Variants in CDH8 observed in about 807,000 individuals in gnomAD.
The protein encoded by CDH8 is cadherin 8.
Under a neutral mutation model 68.1 loss-of-function variants are expected in CDH8, and 17 were observed. The observed-to-expected ratio is 0.25, with a 90% confidence interval of 0.17 to 0.37. CDH8 has a LOEUF of 0.37. Ranked by LOEUF, CDH8 falls within the 10% of genes least tolerant of loss-of-function variation. CDH8 has a pLI of 1.00. For missense variants in CDH8, 763 were observed against 999.3 expected, an observed-to-expected ratio of 0.76 and a Z score of 3.19; for synonymous variants, 372 against 365.1, an observed-to-expected ratio of 1.02 and a Z score of -0.21.
chr16:61,791,985 C>T (rs1961388886), intron 7 of CDH8, among the ~76,000 whole-genome samples: 1 of 151,998 alleles, frequency 6.6e-6, no homozygotes, highest in African/African-American at 2.4e-5. Flanking sequence ...ATCTCTGGCA[C>T]TAAGTATGTA....
intron 1 of CDH8, among the ~76,000 whole-genome samples, chr16:62,022,606 T>C (rs1177326972): frequency 6.6e-6 from 1 of 152,188 alleles, no homozygotes; most frequent in Non-Finnish European, 1.5e-5. Flanking sequence ...GAAGCTTTGC[T>C]GAATTAGACT....
At chr16:61,857,753 A>G (rs1317866617) in intron 3 of CDH8, among the ~76,000 whole-genome samples, 1 of 152,162 alleles carries the variant, frequency 6.6e-6, no homozygotes, top group Non-Finnish European at 1.5e-5. Flanking sequence ...TGCTTACATA[A>G]TTAGGCATAA....
intron 9 of CDH8, among the ~76,000 whole-genome samples, chr16:61,715,731 G>A (rs1964718498): frequency 6.6e-6 from 1 of 151,546 alleles, no homozygotes; most frequent in South Asian, 2.1e-4. Context: ...ACATTTAAGT[G>A]TAGAGAGAGG....
chr16:61,875,960 T>C (rs2143085983), intron 3 of CDH8, among the ~76,000 whole-genome samples: 1 of 152,282 alleles, frequency 6.6e-6, no homozygotes, highest in East Asian at 1.9e-4. Context: ...CACTGCAACC[T>C]CTGCCTCCCA....
chr16:61,700,245 T>A (rs987143881), intron 10 of CDH8, among the ~76,000 whole-genome samples: 4 of 151,968 alleles, frequency 2.6e-5, no homozygotes, highest in African/African-American at 9.7e-5. Flanking sequence ...AGTAGCAGGA[T>A]TATTGGATCA....
intron 10 of CDH8, among the ~76,000 whole-genome samples, chr16:61,658,093 T>TG (rs1367062862): frequency 6.6e-6 from 1 of 152,038 alleles, no homozygotes; most frequent in Non-Finnish European, 1.5e-5. Context: ...TTTGTTTTTG[T>TG]TTTTGTTTCT....
At chr16:61,800,261 T>TG (rs1483014707) in intron 7 of CDH8, among the ~76,000 whole-genome samples, 2 of 152,216 alleles carry the variant, frequency 1.3e-5, no homozygotes, top group African/African-American at 4.8e-5. Context: ...AAATATTTTT[T>TG]ACCAAAAATG....
rs559481483 is a variant in CDH8 at position 61,909,918 on chromosome 16, G to A, written c.253-8445C>T. 3.2e-3 allele frequency among the ~76,000 whole-genome samples: 480 copies of A among 152,294 alleles called. 4 individuals carry two copies. The highest frequency in any genetic ancestry group is 6.8e-3 in the Middle Eastern group (2 of 294). On this transcript the variant is annotated intron_variant, in intron 2 of 11. Transcript: ENST00000577390. Reference sequence around the variant, plus strand: ...GAGAATTCCCAAGCCAGTGTTCATGGCCTTGGCAAATTTTCTACTATCTTC... The same window carrying A: ...GAGAATTCCCAAGCCAGTGTTCATGACCTTGGCAAATTTTCTACTATCTTC...
At chr16:61,721,871 G>A (rs954285062) in intron 9 of CDH8, among the ~76,000 whole-genome samples, 11 of 150,592 alleles carry the variant, frequency 7.3e-5, no homozygotes, top group African/African-American at 2.7e-4. Context: ...GTCTTTTTCG[G>A]TCTCAGCTTT....
intron 2 of CDH8, among the ~76,000 whole-genome samples, chr16:62,012,203 G>T (rs1486551476): frequency 6.6e-6 from 1 of 152,056 alleles, no homozygotes; most frequent in Non-Finnish European, 1.5e-5. Flanking sequence ...AACTTTTCTA[G>T]GTCATTCCTA....
In CDH8 at chr16:62,021,525, A is replaced by G. The variant is rs1045288930; in HGVS notation, c.-122T>C. 9 of 1,473,192 alleles carry G rather than the reference A, an allele frequency of 6.1e-6. No individual in the cohort carries two copies. The highest frequency in any genetic ancestry group is 5.6e-5 in the African/African-American group (4 of 70,996). The allele number at this position is 1,473,192 out of a possible 1,614,324, so 91.3% of individuals were successfully genotyped here. A position where few individuals can be genotyped will look rare whatever the true frequency, so the allele number is the denominator to read the frequency against. On this transcript the variant is annotated 5_prime_UTR_variant, in exon 2 of 12. Coordinates refer to ENST00000577390, the MANE Select transcript of CDH8 (RefSeq NM_001796.5). ...TTACTTACAGCTCTGCCACGTGTCT[A>G]TAGCACGGGAAACAGACATCATCTA...
intron 10 of CDH8, among the ~76,000 whole-genome samples, chr16:61,704,843 G>GA (rs903363819): frequency 6.6e-6 from 1 of 152,242 alleles, no homozygotes; most frequent in Non-Finnish European, 1.5e-5. Context: ...TTTTGTAAGA[G>GA]AAAAAACTGA....
chr16:61,775,639 T>C (rs530322041), intron 8 of CDH8, among the ~76,000 whole-genome samples: 11 of 152,076 alleles, frequency 7.2e-5, no homozygotes, highest in African/African-American at 2.7e-4. Context: ...TCTTGTAACA[T>C]TGAGAACATA....
intron 10 of CDH8, among the ~76,000 whole-genome samples, chr16:61,672,583 T>G (rs1163059700): frequency 1.3e-5 from 2 of 152,020 alleles, no homozygotes; most frequent in Non-Finnish European, 2.9e-5. Context: ...CTTAAACTAA[T>G]AGTAGTTATT....
intron 7 of CDH8, among the ~76,000 whole-genome samples, chr16:61,799,369 A>G (rs1961567914): frequency 6.6e-6 from 1 of 152,216 alleles, no homozygotes; most frequent in Admixed American, 6.5e-5. Context: ...CAGTACTCAT[A>G]TTTAATAATA....
intron 8 of CDH8, among the ~76,000 whole-genome samples, chr16:61,766,152 C>T (rs989539765): frequency 6.6e-6 from 1 of 151,584 alleles, no homozygotes; most frequent in Non-Finnish European, 1.5e-5. Flanking sequence ...CCACCCTACC[C>T]CCTTCTGAGT....
intron 2 of CDH8, among the ~76,000 whole-genome samples, chr16:61,997,021 G>T (rs1303163941): frequency 6.6e-6 from 1 of 152,028 alleles, no homozygotes; most frequent in Non-Finnish European, 1.5e-5. Flanking sequence ...GTGTGTGTGT[G>T]TATGTGTGTG....
At chr16:61,834,998 A>G (rs1962538042) in intron 4 of CDH8, among the ~76,000 whole-genome samples, 1 of 151,926 alleles carries the variant, frequency 6.6e-6, no homozygotes, top group South Asian at 2.1e-4. Context: ...AAAAGAATGT[A>G]GAAAATAATA....
At chr16:61,762,469 T>C (rs1009474084) in intron 8 of CDH8, among the ~76,000 whole-genome samples, 2 of 152,128 alleles carry the variant, frequency 1.3e-5, no homozygotes, top group South Asian at 2.1e-4. Flanking sequence ...GAAAACCAAA[T>C]ACCATTTTCA....
Sources: gnomAD v4.1 joint callset for allele counts (sites outside exome capture counted in the v4.1 genomes callset) on GRCh38, gnomAD v4.1.1 for gene constraint, MANE v1.5 for transcripts, NCBI Gene and HGNC (gene_info 2026-07-23, HGNC 2026-07-21) for gene names.